Variants in GSAP observed in about 807,000 individuals in gnomAD.
The protein encoded by GSAP is gamma-secretase-activating protein.
GSAP carries 118 observed loss-of-function variants against 131.7 expected under a neutral mutation model. The observed-to-expected ratio is 0.90, with a 90% CI of 0.77 to 1.04. GSAP has a LOEUF of 1.04. Ranked by LOEUF, GSAP falls within the 50% of genes least tolerant of loss-of-function variation. The pLI, the probability that GSAP is intolerant of heterozygous loss-of-function variation, is 0.00. For missense variants in GSAP, 1,019 were observed against 1,013.2 expected, an observed-to-expected ratio of 1.01 and a Z score of -0.08; for synonymous variants, 381 against 363.4, an observed-to-expected ratio of 1.05 and a Z score of -0.55.
At chr7:77,358,733 C>T (rs1022979329) in intron 14 of GSAP, among the ~76,000 whole-genome samples, 4 of 152,102 alleles carry the variant, frequency 2.6e-5, no homozygotes, top group Non-Finnish European at 4.4e-5. Context: ...TGTTGCATAC[C>T]GTTTGGGTGA....
intron 5 of GSAP, among the ~76,000 whole-genome samples, chr7:77,390,948 A>G (rs1448790638): frequency 3.7e-5 from 2 of 54,608 alleles, no homozygotes; most frequent in Admixed American, 2.1e-4. Flanking sequence ...ACTCCGTCTA[A>G]AAAAAAAAAA....
At chr7:77,332,198 T>C (rs1789261724) in intron 19 of GSAP, among the ~76,000 whole-genome samples, 3 of 152,194 alleles carry the variant, frequency 2.0e-5, no homozygotes, top group Admixed American at 2.0e-4. Flanking sequence ...TCAAGTCAAA[T>C]GCTATCCTGT....
intron 6 of GSAP, among the ~76,000 whole-genome samples, chr7:77,386,614 T>TG (rs1218200079): frequency 6.6e-6 from 1 of 152,244 alleles, no homozygotes; most frequent in Non-Finnish European, 1.5e-5. Flanking sequence ...CTAAGGCATC[T>TG]GACAGCCTTC....
chr7:77,360,953 C>CCA, intron 13 of GSAP, 52 bp from the exon 14 acceptor site: 1 of 1,009,916 alleles, frequency 9.9e-7, no homozygotes, highest in Non-Finnish European at 1.6e-6. Context: ...AACTGGAACT[C>CCA]CACCCAAGGC....
At chr7:77,361,053 C>G in intron 13 of GSAP, 152 bp from the exon 14 acceptor site, 1 of 583,484 alleles carries the variant, frequency 1.7e-6, no homozygotes, top group Non-Finnish European at 3.2e-6. Flanking sequence ...TCCCCTCATT[C>G]TCCAAAAACC....
chr7:77,377,258 A>AAAAAAAAAAAAAAAAGG, intron 9 of GSAP, 28 bp downstream of exon 9: 3 of 1,400,734 alleles, frequency 2.1e-6, no homozygotes, highest in Non-Finnish European at 2.8e-6. Flanking sequence ...AAAAAAAAAA[A>AAAAAAAAAAAAAAAAGG]GGAGTGCCCG....
chr7:77,317,394 G>A (rs1584216169), intron 26 of GSAP, among the ~76,000 whole-genome samples: 1 of 151,680 alleles, frequency 6.6e-6, no homozygotes, highest in African/African-American at 2.4e-5. Context: ...GGGGGCTGGG[G>A]GAGGGATAGC....
chr7:77,326,736 A>G (rs1788374727), intron 22 of GSAP: 2 of 153,506 alleles, frequency 1.3e-5, no homozygotes, highest in South Asian at 4.1e-4. Context: ...AGCAAATAAT[A>G]CTAACTGGCA....
At chr7:77,339,938 G>C (rs568547801) in intron 19 of GSAP, among the ~76,000 whole-genome samples, 4 of 152,298 alleles carry the variant, frequency 2.6e-5, no homozygotes, top group African/African-American at 7.2e-5. Flanking sequence ...ATTATCCCTT[G>C]TCAGGCCTCT....
At chr7:77,375,313 G>GA (rs1796685682) in intron 10 of GSAP, among the ~76,000 whole-genome samples, 1 of 152,164 alleles carries the variant, frequency 6.6e-6, no homozygotes, top group Non-Finnish European at 1.5e-5. Context: ...TCATGAGCTT[G>GA]ATGTTTGTTT....
At chr7:77,392,030 G>A (rs1799629008) in intron 5 of GSAP, among the ~76,000 whole-genome samples, 1 of 152,082 alleles carries the variant, frequency 6.6e-6, no homozygotes, top group South Asian at 2.1e-4. Context: ...TTCGAGACCA[G>A]CCTGGCCAAC....
At chr7:77,354,623 A>T (rs1019999968) in intron 16 of GSAP, among the ~76,000 whole-genome samples, 1 of 152,084 alleles carries the variant, frequency 6.6e-6, no homozygotes, top group Non-Finnish European at 1.5e-5. Context: ...GAGTCAAAAC[A>T]TGGGTGAATA....
rs150600521 is a variant in GSAP, at chr7:77,325,511, G to A, written c.1827+701C>T. Among the ~76,000 whole-genome samples, 427 of 151,962 alleles carry A rather than the reference G, an allele frequency of 2.8e-3. 1 individual carries two copies. The highest frequency in any genetic ancestry group is 9.9e-3 in the African/African-American group (409 of 41,456). On this transcript the variant is annotated intron_variant, in intron 23 of 30. Coordinates refer to ENST00000257626, the MANE Select transcript of GSAP (RefSeq NM_017439.4). ...ATTTATTTTGATTCATATTTTTTTG[G>A]TCATCCTAGTATTATGACTTCTTGA... is the stretch of plus-strand genomic sequence containing the variant.
chr7:77,416,399 C>T, upstream of GSAP: 3 of 669,484 alleles, frequency 4.5e-6, no homozygotes, highest in Non-Finnish European at 7.0e-6. Context: ...GCCTCGCCCT[C>T]GCGTCCCCGC....
intron 22 of GSAP, among the ~76,000 whole-genome samples, chr7:77,327,992 C>T (rs1391679360): frequency 6.6e-6 from 1 of 152,206 alleles, no homozygotes; most frequent in Non-Finnish European, 1.5e-5. Context: ...TAGGTGCTAT[C>T]TGCATTACCC....
chr7:77,315,741 T>A (rs901063325), intron 26 of GSAP: 1 of 152,140 alleles, frequency 6.6e-6, no homozygotes, highest in African/African-American at 2.4e-5. Flanking sequence ...ACAGGGCATA[T>A]TCAGAAAATA....
intron 1 of GSAP, among the ~76,000 whole-genome samples, chr7:77,413,939 C>T (rs1803803581): frequency 6.6e-6 from 1 of 151,458 alleles, no homozygotes; most frequent in South Asian, 2.1e-4. Flanking sequence ...CAAATATCTT[C>T]TTTTATTTCA....
At position 77,349,408 on chromosome 7, in the gene GSAP, T is replaced by C. The variant is rs776876588; in HGVS notation, c.1492-4A>G. Reference sequence around the variant, plus strand: ...CAAGAGTTATTCCAGGAATTTCCTATAGTGGGGAAAAACACACACACACAG... The same window carrying C: ...CAAGAGTTATTCCAGGAATTTCCTACAGTGGGGAAAAACACACACACACAG... On this transcript the variant is annotated splice_region_variant and splice_polypyrimidine_tract_variant and intron_variant, in intron 18 of 30. Coordinates refer to ENST00000257626, the MANE Select transcript of GSAP (RefSeq NM_017439.4). The C allele has an allele frequency of 9.9e-6, 16 of 1,611,640 alleles. No homozygotes were observed. The highest frequency in any genetic ancestry group is 3.3e-5 in the South Asian group (3 of 91,058).
Position 77,376,877 on chromosome 7 carries a change from AC to A in GSAP, c.711del (p.Gln237HisfsTer10), listed in dbSNP as rs745484312. The A allele has an allele frequency of 6.7e-6, 10 of 1,497,152 alleles. No individual in the cohort carries two copies. The highest frequency in any genetic ancestry group is 2.7e-6 in the Non-Finnish European group (3 of 1,092,326). The allele number at this position is 1,497,152 out of a possible 1,614,324, so 92.7% of individuals were successfully genotyped here. On this transcript the variant is annotated frameshift_variant, in exon 10 of 31. Transcript: ENST00000257626. LOFTEE classifies it high-confidence loss of function. ...KKSRSILKCI[Q>X]FYADESYNLM... ...AAGTTATAGCTCTCATCAGCATAAAACTGGATACATTTTAAGATACTCCTTG... is the reference window on the plus strand; with the variant it reads ...AAGTTATAGCTCTCATCAGCATAAAATGGATACATTTTAAGATACTCCTTG...
Sources: gnomAD v4.1 joint callset for allele counts (sites outside exome capture counted in the v4.1 genomes callset) on GRCh38, gnomAD v4.1.1 for gene constraint, MANE v1.5 for transcripts, NCBI Gene and HGNC (gene_info 2026-07-23, HGNC 2026-07-21) for gene names.